The following HELZ2 variants were observed in gnomAD, a reference collection of about 807,000 sequenced individuals.
The protein encoded by HELZ2 is 3'-5' exoribonuclease HELZ2.
HELZ2 carries 143 observed loss-of-function variants against 208.8 expected under a neutral mutation model. The ratio of observed to expected loss-of-function variants is 0.68; its 90% CI spans 0.60 to 0.79. The LOEUF (loss-of-function observed/expected upper bound fraction) is 0.79, where lower values mean the gene tolerates loss of function less well. HELZ2 is among the 30% of genes least tolerant of loss of function. The probability of loss-of-function intolerance (pLI) is 0.00; values close to 1 mark genes in which losing one functional copy is unlikely to be tolerated. For synonymous variants in HELZ2, 1,705 were observed against 1,693.7 expected (o/e 1.01, Z -0.16); for missense variants, 3,690 against 3,794.5 (o/e 0.97, Z 0.72).
At chr20:63,559,721 GTC>G (rs2082862186) in intron 18 of HELZ2, among the ~76,000 whole-genome samples, 1 of 90,802 alleles carries the variant, frequency 1.1e-5, no homozygotes, top group Non-Finnish European at 2.4e-5. Flanking sequence ...GTGGGAGTCA[GTC>G]AGGGTCAGGT....
In HELZ2 at chr20:63,561,046, G is replaced by A. The variant is rs766388524; in HGVS notation, c.7146+36C>T. 3.8e-5 allele frequency: 61 copies of A among 1,598,782 alleles called. No homozygotes were observed. The Middle Eastern group carries it at 1.2e-3, about 31-fold the overall frequency. On this transcript the variant is annotated intron_variant, in intron 14 of 18. Transcript: ENST00000467148. ...CCAGGTGGGAGACTGTGCCAGGGAC[G>A]CCTGCTCATGCTGCCCACACCCCCC...
chr20:63,565,218 G>A (rs1600975847), exon 8 of HELZ2: 6 of 1,608,450 alleles, frequency 3.7e-6, no homozygotes, highest in Non-Finnish European at 5.1e-6. Context: ...ACAAACGCCA[G>A]CTCGTGCCTC....
Position 63,567,581 on chromosome 20 carries a change from C to T in HELZ2, c.1777G>A (p.Gly593Ser), listed in dbSNP as rs540899951. Reference sequence around the variant, plus strand: ...AGAGGAGTGGCCTCGGGGTGGCCGCCGCTGACGTGGCTGTGGAAATACTCC... The same window carrying T: ...AGAGGAGTGGCCTCGGGGTGGCCGCTGCTGACGTGGCTGTGGAAATACTCC... The change falls in exon 6 of 19, where the codon GGC becomes AGC. Residue 593 changes from glycine to serine, a missense_variant. Physicochemically the swap from Gly to Ser is moderately conservative, Grantham distance 56. Transcript: ENST00000467148. 21 of 1,592,276 alleles carry T rather than the reference C, an allele frequency of 1.3e-5. No individual in the cohort carries two copies. The East Asian group carries it at 2.0e-4, about 16-fold the overall frequency.
chr20:63,570,805 C>A (rs768445833), exon 2 of HELZ2: 1 of 1,610,906 alleles, frequency 6.2e-7, no homozygotes, highest in South Asian at 1.1e-5. Flanking sequence ...GCCGGACCCA[C>A]TCCTGCAGCT....
chr20:63,560,379 C>T (rs940355311), intron 16 of HELZ2, 52 bp from the exon 18 acceptor site: 3 of 1,573,810 alleles, frequency 1.9e-6, no homozygotes, highest in Middle Eastern at 3.4e-4. Flanking sequence ...CTCCTGCCCT[C>T]CTCCAGGAAG....
At chr20:63,561,059 GC>G (rs778833921) in intron 14 of HELZ2, 22 bp downstream of exon 15, 2 of 1,603,912 alleles carry the variant, frequency 1.2e-6, no homozygotes, top group Non-Finnish European at 1.7e-6. Flanking sequence ...TGCTCATGCT[GC>G]CCACACCCCC....
At chr20:63,568,253 G>A in intron 5 of HELZ2, 105 bp downstream of exon 6, 1 of 876,816 alleles carries the variant, frequency 1.1e-6, no homozygotes, top group Non-Finnish European at 1.8e-6. Context: ...GCTACAGGGA[G>A]TGCAGAATCA....
At chr20:63,568,004 G>A (rs1256878102) in intron 5 of HELZ2, 2 of 539,172 alleles carry the variant, frequency 3.7e-6, no homozygotes, top group South Asian at 2.4e-5. Context: ...AGGAACCAGA[G>A]GAAACCACAT....
At chr20:63,573,129 C>T (rs931901241), upstream of HELZ2, 3 of 152,288 alleles carry the variant, frequency 2.0e-5, no homozygotes, top group African/African-American at 4.8e-5. The surrounding 1 kb of genome is among the most constrained non-coding windows in gnomAD (Gnocchi z 4.9). Context: ...GGCGCCACCT[C>T]GAACACCAGC....
downstream of HELZ2, chr20:63,558,980 C>G (rs2082845290): frequency 5.5e-6 from 2 of 362,686 alleles, no homozygotes; most frequent in Non-Finnish European, 1.0e-5. Context: ...CCAGGGACAG[C>G]AGAACTTCCT....
chr20:63,570,516 G>A (rs760477416), exon 3 of HELZ2: 19 of 1,613,020 alleles, frequency 1.2e-5, no homozygotes, highest in African/African-American at 9.3e-5. Context: ...CAGAGTGGAC[G>A]GCAAACGTCC....
exon 8 of HELZ2, chr20:63,565,051 G>A (rs761699104): frequency 9.0e-6 from 14 of 1,562,390 alleles, no homozygotes; most frequent in South Asian, 5.8e-5. Flanking sequence ...GCCGGGCCTC[G>A]GCGGTGAGCC....
Position 63,567,582 on chromosome 20 carries a change from G to A in HELZ2, c.1776C>T (p.Ser592=), listed in dbSNP as rs747255167. ...GAGGAGTGGCCTCGGGGTGGCCGCCGCTGACGTGGCTGTGGAAATACTCCC... is the reference window on the plus strand; with the variant it reads ...GAGGAGTGGCCTCGGGGTGGCCGCCACTGACGTGGCTGTGGAAATACTCCC... The change falls in exon 6 of 19, where the codon AGC becomes AGT. Residue 592 remains serine (S), a synonymous_variant. Coordinates refer to ENST00000467148, the Ensembl canonical transcript of HELZ2. 2.3e-4 allele frequency: 363 copies of A among 1,592,354 alleles called. 1 individual carries two copies. The highest frequency in any genetic ancestry group is 2.9e-4 in the Non-Finnish European group (338 of 1,170,800).
exon 8 of HELZ2, chr20:63,563,165 T>C (rs1435801557): frequency 5.0e-6 from 8 of 1,592,804 alleles, no homozygotes; most frequent in Non-Finnish European, 6.8e-6. Context: ...GGTGCCGAGC[T>C]GCACCTGCAG....
At chr20:63,563,359 C>T in exon 8 of HELZ2, 1 of 1,537,992 alleles carries the variant, frequency 6.5e-7, no homozygotes, top group Non-Finnish European at 8.7e-7. Context: ...TCTCCACGGC[C>T]AGGGTGTGTG....
chr20:63,560,601 C>A, exon 16 of HELZ2: 1 of 1,611,892 alleles, frequency 6.2e-7, no homozygotes, highest in Non-Finnish European at 8.5e-7. Context: ...TCCTTGCCAG[C>A]GTGGCCCAGG....
rs767504492 is a variant in HELZ2 at position 63,564,860 on chromosome 20, T to C, written c.3962A>G (p.Gln1321Arg). Residue 1321 changes from glutamine to arginine, a missense_variant, in exon 8 of 19, where the codon CAG becomes CGG. By Grantham distance (43) the Gln-to-Arg change is conservative. Coordinates refer to ENST00000467148, the Ensembl canonical transcript of HELZ2. ...CCGGCCAAGCTCCGTGTGGTATTTC[T>C]GCAGCACCTTGGTGATGGTGGCCTG... 1.9e-6 allele frequency: 3 copies of C among 1,612,200 alleles called. No individual in the cohort carries two copies. The South Asian group carries it at 3.3e-5, about 18-fold the overall frequency.
At chr20:63,561,515 G>A in intron 12 of HELZ2, 49 bp from the exon 14 acceptor site, 1 of 1,578,488 alleles carries the variant, frequency 6.3e-7, no homozygotes, top group South Asian at 1.2e-5. Context: ...CCATCACGGG[G>A]GCAGAGCTCA....
exon 6 of HELZ2, chr20:63,567,431 C>G: frequency 1.3e-6 from 2 of 1,563,338 alleles, no homozygotes; most frequent in Non-Finnish European, 1.7e-6. Context: ...GTGACCACCA[C>G]GCGGTGCCGC....
Sources: gnomAD v4.1 joint callset for allele counts (sites outside exome capture counted in the v4.1 genomes callset) on GRCh38, gnomAD v4.1.1 for gene constraint, Gnocchi (gnomAD v3.1) non-coding constraint, MANE v1.5 for transcripts, NCBI Gene and HGNC (gene_info 2026-07-23, HGNC 2026-07-21) for gene names.